PSMA6: variants seen among roughly 807,000 people sequenced by gnomAD.
PSMA6 encodes the protein proteasome subunit alpha type-6.
For synonymous variants in PSMA6, 88 were observed against 97.7 expected, an observed-to-expected ratio of 0.90 and a Z score of 0.59; for missense variants, 170 against 294.8, an observed-to-expected ratio of 0.58 and a Z score of 3.10.
At chr14:35,311,036 A>G in intron 4 of PSMA6, 141 bp downstream of exon 4, 1 of 791,778 alleles carries the variant, frequency 1.3e-6, no homozygotes, top group East Asian at 2.8e-5. Flanking sequence ...TTTATAATAA[A>G]TCAGAACTAA....
chr14:35,286,808 G>A (rs1198599026), intron 1 of PSMA6, among the ~76,000 whole-genome samples: 2 of 152,074 alleles, frequency 1.3e-5, no homozygotes, highest in Non-Finnish European at 2.9e-5. Flanking sequence ...TGACTTCTAT[G>A]TTGCTAAACA....
intron 1 of PSMA6, chr14:35,278,838 TTTTTTTTCTATCC>T (rs2051333984): frequency 2.6e-6 from 3 of 1,159,454 alleles, no homozygotes; most frequent in Non-Finnish European, 3.6e-6. Context: ...CCCAAGTTGC[TTTTTTTTCTATCC>T]TGTGTTCCAT....
chr14:35,287,931 T>A (rs1422701818), upstream of PSMA6, among the ~76,000 whole-genome samples: 1 of 60,946 alleles, frequency 1.6e-5, no homozygotes, highest in African/African-American at 7.5e-5. Flanking sequence ...GATTTCCCTT[T>A]GAATGGAATT....
At chr14:35,316,141 T>C (rs1320392541) in intron 6 of PSMA6, 3 of 152,170 alleles carry the variant, frequency 2.0e-5, no homozygotes, top group Non-Finnish European at 4.4e-5. Context: ...ATCCCAGCAC[T>C]TTGGGAGGCC....
intron 1 of PSMA6, among the ~76,000 whole-genome samples, chr14:35,287,248 G>A (rs1374608138): frequency 6.6e-6 from 1 of 152,078 alleles, no homozygotes; most frequent in African/African-American, 2.4e-5. Context: ...AGAGTCCTAC[G>A]TCCCTTTCTT....
upstream of PSMA6, among the ~76,000 whole-genome samples, chr14:35,291,366 C>T (rs772061639): frequency 1.5e-4 from 23 of 152,100 alleles, no homozygotes; most frequent in Non-Finnish European, 2.8e-4. Context: ...TACAGGCGCC[C>T]GCCACCACGC....
At position 35,317,471 on chromosome 14, in the gene PSMA6, A is replaced by C. The variant is rs2138766382; in HGVS notation, c.*165A>C. The C allele has an allele frequency of 1.8e-6, 1 of 566,236 alleles. No homozygotes were observed. Among genetic ancestry groups the C allele is most frequent in the East Asian group, 2.8e-5 (1 of 35,694 alleles). 35.1% of individuals were successfully genotyped at this position (566,236 alleles called of 1,614,324 possible). A position where few individuals can be genotyped will look rare whatever the true frequency, so the allele number is the denominator to read the frequency against. ...TAAATAAAAACAAGGCTTTTGGAAA[A>C]TAATTGCATCCTGTTGTTTTCACCT... On this transcript the variant is annotated 3_prime_UTR_variant, in exon 7 of 7. Transcript: ENST00000261479.
chr14:35,279,290 G>T (rs947074863), intron 1 of PSMA6, among the ~76,000 whole-genome samples: 1 of 151,930 alleles, frequency 6.6e-6, no homozygotes, highest in Admixed American at 6.6e-5. Flanking sequence ...CAGGTGATCC[G>T]CCCACCTCGA....
chr14:35,300,859 T>C (rs1362964104), intron 1 of PSMA6, among the ~76,000 whole-genome samples: 1 of 151,970 alleles, frequency 6.6e-6, no homozygotes, highest in African/African-American at 2.4e-5. Flanking sequence ...GCTTGAAAAA[T>C]TGAGTGGTTA....
chr14:35,297,166 G>A (rs1420119638), intron 1 of PSMA6, among the ~76,000 whole-genome samples: 2 of 82,288 alleles, frequency 2.4e-5, no homozygotes, highest in African/African-American at 9.5e-5. Flanking sequence ...CATTGAAATT[G>A]AATATGAATA....
chr14:35,303,661 C>A (rs1448964944), intron 1 of PSMA6, among the ~76,000 whole-genome samples: 3 of 152,148 alleles, frequency 2.0e-5, no homozygotes, highest in African/African-American at 7.2e-5. Context: ...TTAGCCATAT[C>A]AGGATCAGAA....
upstream of PSMA6, among the ~76,000 whole-genome samples, chr14:35,291,845 A>AAAAC (rs1555335877): frequency 4.2e-4 from 62 of 146,534 alleles, no homozygotes; most frequent in South Asian, 6.6e-4. Context: ...AAAAAAAAAA[A>AAAAC]AAGACTAAAA....
chr14:35,307,302 A>G (rs1451840832), intron 1 of PSMA6, among the ~76,000 whole-genome samples: 1 of 152,262 alleles, frequency 6.6e-6, no homozygotes, highest in Non-Finnish European at 1.5e-5. Flanking sequence ...AAAGTTAACA[A>G]AAGTATTAAG....
At chr14:35,299,312 C>A (rs190597895) in intron 1 of PSMA6, among the ~76,000 whole-genome samples, 2 of 105,990 alleles carry the variant, frequency 1.9e-5, no homozygotes, top group East Asian at 4.9e-4. Flanking sequence ...TGTGAGCCGC[C>A]GCAGTGCCCA....
At chr14:35,305,753 A>G (rs1178635528) in intron 1 of PSMA6, among the ~76,000 whole-genome samples, 1 of 152,198 alleles carries the variant, frequency 6.6e-6, no homozygotes, top group Non-Finnish European at 1.5e-5. Context: ...CTGTGTTTTC[A>G]TATTTTCTAC....
In PSMA6 at chr14:35,312,506, CAAAAAAAAAAA is replaced by C. The variant is rs200184285; in HGVS notation, c.410-359_410-349del. Reference sequence around the variant, plus strand: ...TGGGAGACAGAGCGAGAGTCTGTCTCAAAAAAAAAAAAAAAAAAAAAAAAAAGTGTTTTTGA... The same window carrying C: ...TGGGAGACAGAGCGAGAGTCTGTCTCAAAAAAAAAAAAAAAGTGTTTTTGA... On this transcript the variant is annotated intron_variant, in intron 4 of 6. Transcript: ENST00000261479. Among the ~76,000 whole-genome samples the C allele has an allele frequency of 3.7e-3, 375 of 100,218 alleles. 2 individuals are homozygous for C. Among genetic ancestry groups the C allele is most frequent in the African/African-American group, 0.015 (276 of 18,970 alleles). The allele number at this position is 100,218 out of a possible 152,430, so 65.7% of individuals were successfully genotyped here.
chr14:35,293,064 C>G (rs1458445987), intron 1 of PSMA6: 1 of 454,760 alleles, frequency 2.2e-6, no homozygotes, highest in Non-Finnish European at 4.4e-6. Context: ...TATACTGAAG[C>G]TCACAGCTTA....
intron 1 of PSMA6, among the ~76,000 whole-genome samples, chr14:35,296,656 C>T (rs1365174023): frequency 6.6e-6 from 1 of 152,094 alleles, no homozygotes; most frequent in East Asian, 1.9e-4. Flanking sequence ...GTAGGGGATA[C>T]TGTCAAGAAG....
chr14:35,292,176 C>A, upstream of PSMA6: 1 of 546,214 alleles, frequency 1.8e-6, no homozygotes, highest in Non-Finnish European at 2.7e-6. Context: ...AATTCATTCT[C>A]CAGATGAAAG....
Sources: allele counts gnomAD v4.1 joint callset (sites outside exome capture counted in the v4.1 genomes callset), GRCh38; gene constraint gnomAD v4.1.1; transcripts MANE v1.5; gene names NCBI Gene and HGNC (gene_info 2026-07-23, HGNC 2026-07-21).